The following PIR variants were observed in gnomAD, a reference collection of about 807,000 sequenced individuals.
The protein encoded by PIR is pirin.
Under a neutral mutation model 24.2 loss-of-function variants are expected in PIR, and 22 were observed. The ratio of observed to expected loss-of-function variants is 0.91; its 90% CI spans 0.65 to 1.30. The LOEUF is 1.30. PIR is among the 50% of genes most tolerant of loss of function. The pLI is 0.00. For missense variants in PIR, 220 were observed against 220.3 expected (o/e 1.00, Z 0.01); for synonymous variants, 80 against 79.6 (o/e 1.00, Z -0.03).
intron 8 of PIR, among the ~76,000 whole-genome samples, chrX:15,393,169 G>A (rs1267313019): frequency 8.9e-6 from 1 of 112,072 alleles, no homozygotes; most frequent in Admixed American, 9.5e-5. Flanking sequence ...CATGTCTTTT[G>A]CTTTGGTGCA....
intron 2 of PIR, among the ~76,000 whole-genome samples, chrX:15,480,344 G>A (rs927792506): frequency 3.6e-5 from 4 of 111,078 alleles, no homozygotes; most frequent in African/African-American, 1.3e-4. Flanking sequence ...CATGAAAATG[G>A]ACTAATACAC....
chrX:15,449,079 G>A (rs1299600057), intron 5 of PIR, among the ~76,000 whole-genome samples: 1 of 111,883 alleles, frequency 8.9e-6, no homozygotes, highest in Admixed American at 9.5e-5. Context: ...GAGTTATGAA[G>A]ACAGAATGGC....
intron 7 of PIR, among the ~76,000 whole-genome samples, chrX:15,407,303 T>A (rs1924578634): frequency 8.9e-6 from 1 of 112,204 alleles, no homozygotes. Flanking sequence ...CTGGTGTTCA[T>A]ATTCTCTTCC....
At chrX:15,445,820 CTTTTTT>C (rs1192838504) in intron 5 of PIR, among the ~76,000 whole-genome samples, 7 of 64,921 alleles carry the variant, frequency 1.1e-4, no homozygotes, top group African/African-American at 4.7e-4. Context: ...CAAGATATTT[CTTTTTT>C]TTTTTTTTTT....
intron 5 of PIR, among the ~76,000 whole-genome samples, chrX:15,452,938 A>AAT (rs911181700): frequency 3.6e-5 from 4 of 112,300 alleles, no homozygotes; most frequent in Middle Eastern, 4.2e-3. Flanking sequence ...ATTGGTTATA[A>AAT]ATACACTAAT....
chrX:15,465,527 T>C (rs1402196902), intron 3 of PIR, among the ~76,000 whole-genome samples: 4 of 112,196 alleles, frequency 3.6e-5, no homozygotes, highest in Non-Finnish European at 5.6e-5. Context: ...GTGAGTGTTA[T>C]GTTTAAACTC....
At chrX:15,391,623 T>A (rs1395069584) in intron 8 of PIR, among the ~76,000 whole-genome samples, 1 of 112,248 alleles carries the variant, frequency 8.9e-6, no homozygotes, top group Non-Finnish European at 1.9e-5. Context: ...TGTAGTTCCG[T>A]CAGAAGTGAA....
intron 7 of PIR, among the ~76,000 whole-genome samples, chrX:15,402,216 G>A (rs763305641): frequency 3.2e-4 from 36 of 111,060 alleles, no homozygotes; most frequent in African/African-American, 1.1e-3. Flanking sequence ...GGTGGGAGGA[G>A]TGCTTGAATG....
intron 6 of PIR, among the ~76,000 whole-genome samples, chrX:15,413,727 C>G (rs1439443207): frequency 8.9e-6 from 1 of 112,055 alleles, no homozygotes; most frequent in Non-Finnish European, 1.9e-5. Context: ...AATAAAATGC[C>G]AAACTATATA....
chrX:15,412,163 G>A (rs182048081), intron 6 of PIR, among the ~76,000 whole-genome samples: 1 of 112,331 alleles, frequency 8.9e-6, no homozygotes, highest in East Asian at 2.8e-4. Context: ...TCTGAGTAAT[G>A]CTTTTTATGG....
intron 8 of PIR, among the ~76,000 whole-genome samples, chrX:15,394,729 T>C: frequency 8.9e-6 from 1 of 112,048 alleles, no homozygotes. Flanking sequence ...GAAGCTATTC[T>C]GGGATGACTG....
chrX:15,459,756 A>G lies in PIR; in HGVS notation c.190-16T>C. On this transcript the variant is annotated splice_polypyrimidine_tract_variant and intron_variant, in intron 3 of 9. Transcript: ENST00000380420. ...GGTAGGATACCTTTGAAAAACAAAC[A>G]GGAAAAAAAGTAGATCCTTTGCCTA... 1.0e-6 allele frequency: 1 copy of G among 991,427 alleles called. No homozygotes were observed. The highest frequency in any genetic ancestry group is 1.4e-6 in the Non-Finnish European group (1 of 695,977). The allele number at this position is 991,427 out of a possible 1,213,427, so 81.7% of individuals were successfully genotyped here.
intron 1 of PIR, 77 bp from the exon 2 acceptor site, chrX:15,491,386 G>T (rs187273531): frequency 1.0e-3 from 437 of 436,860 alleles, no homozygotes; most frequent in African/African-American, 9.3e-3. Context: ...ATGATATTAA[G>T]ATTAGATGCG....
rs144771775 is a variant in PIR at position 15,446,702 on chromosome X, T to C, written c.480+9146A>G. On this transcript the variant is annotated intron_variant, in intron 5 of 9. Coordinates refer to ENST00000380420, the MANE Select transcript of PIR (RefSeq NM_001018109.3). ...TTTCCCATTAGCCTGCCATGATTTC[T>C]AGCGTGCTGACTCACCACAGTATAC... 2.5e-3 allele frequency among the ~76,000 whole-genome samples: 282 copies of C among 111,441 alleles called. 1 individual carries two copies. The highest frequency in any genetic ancestry group is 9.0e-3 in the African/African-American group (275 of 30,630).
chrX:15,402,867 ACT>A (rs1416319427), intron 7 of PIR, among the ~76,000 whole-genome samples: 1 of 111,791 alleles, frequency 8.9e-6, no homozygotes, highest in Non-Finnish European at 1.9e-5. Context: ...GGAAATACCA[ACT>A]CTCTTTTCAC....
intron 5 of PIR, among the ~76,000 whole-genome samples, chrX:15,446,910 G>A (rs1189253515): frequency 9.0e-6 from 1 of 111,599 alleles, no homozygotes; most frequent in Non-Finnish European, 1.9e-5. Context: ...ATCTGCAATG[G>A]ATGGCAAAAA....
chrX:15,421,082 G>A (rs1033683312), intron 6 of PIR, among the ~76,000 whole-genome samples: 2 of 111,833 alleles, frequency 1.8e-5, no homozygotes, highest in Non-Finnish European at 3.8e-5. Flanking sequence ...TGAGGGTACT[G>A]GACATAGATA....
intron 1 of PIR, among the ~76,000 whole-genome samples, chrX:15,492,649 T>C (rs1416175902): frequency 1.8e-5 from 2 of 112,019 alleles, no homozygotes; most frequent in African/African-American, 6.5e-5. Context: ...CCTGAGGTTT[T>C]CTGTGGCTCA....
intron 6 of PIR, among the ~76,000 whole-genome samples, chrX:15,412,513 C>G (rs1924776615): frequency 8.9e-6 from 1 of 111,950 alleles, no homozygotes; most frequent in Admixed American, 9.5e-5. Flanking sequence ...AAGATAAAAA[C>G]CATACAGGTG....
Sources: gnomAD v4.1 joint callset for allele counts (sites outside exome capture counted in the v4.1 genomes callset) on GRCh38, gnomAD v4.1.1 for gene constraint, MANE v1.5 for transcripts, NCBI Gene and HGNC (gene_info 2026-07-23, HGNC 2026-07-21) for gene names.